Variants in PCDHGA4 observed in about 807,000 individuals in gnomAD.
The protein encoded by PCDHGA4 is protocadherin gamma subfamily A, 4, also known as protocadherin gamma-A4.
Under a neutral mutation model 54.6 loss-of-function variants are expected in PCDHGA4, and 38 were observed. That is an observed-to-expected ratio of 0.70 (90% CI 0.54 to 0.91). PCDHGA4 has a LOEUF of 0.91. PCDHGA4 is among the 40% of genes least tolerant of loss of function. The pLI, the probability that PCDHGA4 is intolerant of heterozygous loss-of-function variation, is 0.00. For missense variants in PCDHGA4, 1,298 were observed against 1,220.9 expected (o/e 1.06, Z -0.94); for synonymous variants, 511 against 512.9 (o/e 1.00, Z 0.05).
intron 1 of PCDHGA4, chr5:141,419,779 G>A (rs1439735185): frequency 1.2e-6 from 2 of 1,614,064 alleles, no homozygotes; most frequent in Non-Finnish European, 8.5e-7. Flanking sequence ...CGGTCCGCCA[G>A]CGCCTGCTAG....
intron 1 of PCDHGA4, chr5:141,361,613 C>T: frequency 6.2e-7 from 1 of 1,613,960 alleles, no homozygotes; most frequent in Non-Finnish European, 8.5e-7. Context: ...TCCATCGTAG[C>T]GAGCGACCTG....
chr5:141,382,326 T>G (rs1007367155), intron 1 of PCDHGA4, among the ~76,000 whole-genome samples: 1 of 152,352 alleles, frequency 6.6e-6, no homozygotes, highest in Admixed American at 6.5e-5. Context: ...TGTAAATATT[T>G]TCTAAGTAAA....
chr5:141,365,821 G>A (rs756787528), intron 1 of PCDHGA4: 1 of 1,613,908 alleles, frequency 6.2e-7, no homozygotes, highest in Non-Finnish European at 8.5e-7. Context: ...ACACATTTCA[G>A]GGGGCGCCCT....
intron 1 of PCDHGA4, among the ~76,000 whole-genome samples, chr5:141,433,818 CA>C (rs2097653666): frequency 7.5e-6 from 1 of 133,558 alleles, no homozygotes; most frequent in African/African-American, 2.9e-5. Flanking sequence ...GCCTGGGCAA[CA>C]AGAGTGAAAC....
At chr5:141,466,034 A>T (rs189202430) in intron 1 of PCDHGA4, among the ~76,000 whole-genome samples, 1,557 of 152,178 alleles carry the variant, frequency 0.01, 35 homozygotes, top group African/African-American at 0.035. Flanking sequence ...AGGCAGGAGA[A>T]CGGCATGAAC....
intron 1 of PCDHGA4, among the ~76,000 whole-genome samples, chr5:141,470,152 T>C (rs546219809): frequency 2.6e-5 from 4 of 152,308 alleles, no homozygotes; most frequent in African/African-American, 9.6e-5. Context: ...ATAGATCATC[T>C]TATCAAATCA....
At chr5:141,405,240 C>G (rs2094630274) in intron 1 of PCDHGA4, 4 of 1,614,136 alleles carry the variant, frequency 2.5e-6, no homozygotes, top group African/African-American at 2.7e-5. Context: ...ACCGCTGACT[C>G]AAGGAAGAGT....
intron 3 of PCDHGA4, among the ~76,000 whole-genome samples, chr5:141,509,504 C>T (rs534951697): frequency 4.7e-4 from 72 of 152,246 alleles, no homozygotes; most frequent in Non-Finnish European, 8.4e-4. Flanking sequence ...CTGGATGTGA[C>T]GGTGTTGATG....
In PCDHGA4 at chr5:141,413,208, A is replaced by G. The variant is rs532127106; in HGVS notation, c.2514+55587A>G. The G allele has an allele frequency of 3.5e-5, 57 of 1,612,984 alleles. No individual in the cohort carries two copies. The African/African-American group carries it at 5.2e-4, about 15-fold the overall frequency. On this transcript the variant is annotated intron_variant, in intron 1 of 3. Coordinates refer to ENST00000571252, the MANE Select transcript of PCDHGA4 (RefSeq NM_018917.4). ...CTCAAAGGAATCGCTCAAAGGAATC[A>G]AAGGATTGCAGCGGGCTGGTCCTGC... is the stretch of plus-strand genomic sequence containing the variant.
chr5:141,478,017 T>C lies in PCDHGA4; in HGVS notation c.2515-16790T>C, dbSNP rs776415195. ...GGTCAAATCAGTACTGCCCGTCCAG[T>C]CCAAGACACAGATTCACCCAGGCAG... On this transcript the variant is annotated intron_variant, in intron 1 of 3. Transcript: ENST00000571252. 15 of 1,613,910 alleles carry C rather than the reference T, an allele frequency of 9.3e-6. No homozygotes were observed. In the African/African-American group the frequency reaches 1.9e-4, roughly 20 times the overall value.
In PCDHGA4 at chr5:141,491,638, G is replaced by A. The variant is rs2099723160; in HGVS notation, c.2515-3169G>A. The A allele has an allele frequency of 6.2e-7, 1 of 1,613,898 alleles. No individual in the cohort carries two copies. The highest frequency in any genetic ancestry group is 1.3e-5 in the African/African-American group (1 of 75,074). ...ACCCCTCAGCGTTCAGCAGCCCACA[G>A]CTCTGGCGCTGGAGCCTGACGCCAT... On this transcript the variant is annotated intron_variant, in intron 1 of 3. Coordinates refer to ENST00000571252, the MANE Select transcript of PCDHGA4 (RefSeq NM_018917.4). The surrounding 1 kb of genome is among the most constrained non-coding windows in gnomAD (Gnocchi z 6.9).
At chr5:141,464,976 A>G (rs2154568682) in intron 1 of PCDHGA4, among the ~76,000 whole-genome samples, 1 of 152,214 alleles carries the variant, frequency 6.6e-6, no homozygotes, top group East Asian at 1.9e-4. Flanking sequence ...TACTGGCTTC[A>G]AGTGATCCTC....
chr5:141,447,433 C>G (rs756021616), intron 1 of PCDHGA4, among the ~76,000 whole-genome samples: 1 of 152,118 alleles, frequency 6.6e-6, no homozygotes. Context: ...CCACCGCACC[C>G]GGAGGAAATT....
chr5:141,360,892 G>C, intron 1 of PCDHGA4: 1 of 1,614,028 alleles, frequency 6.2e-7, no homozygotes, highest in Non-Finnish European at 8.5e-7. Context: ...CACCCTGAGG[G>C]AGGACGTGCC....
rs368850413 is a variant in PCDHGA4, at chr5:141,400,711, C to T, written c.2514+43090C>T. 8.7e-6 allele frequency: 6 copies of T among 691,160 alleles called. No individual in the cohort carries two copies. The African/African-American group carries it at 9.0e-5, about 10-fold the overall frequency. The allele number at this position is 691,160 out of a possible 1,614,324, so 42.8% of individuals were successfully genotyped here. On this transcript the variant is annotated intron_variant, in intron 1 of 3. Coordinates refer to ENST00000571252, the MANE Select transcript of PCDHGA4 (RefSeq NM_018917.4). Reference sequence around the variant, plus strand: ...TTTTATGTCGCATAAAAGAAGTAGCCTTATAGATTTACAAAGTAGTGAGAG... The same window carrying T: ...TTTTATGTCGCATAAAAGAAGTAGCTTTATAGATTTACAAAGTAGTGAGAG...
intron 1 of PCDHGA4, among the ~76,000 whole-genome samples, chr5:141,444,192 A>ATT: frequency 1.9e-5 from 1 of 52,730 alleles, no homozygotes; most frequent in African/African-American, 7.7e-5. Flanking sequence ...TTTTTTTGAG[A>ATT]TGGAGTTTCA....
rs1759880849 is a variant in PCDHGA4, at chr5:141,355,504, T to C, written c.397T>C (p.Cys133Arg). The C allele has an allele frequency of 5.0e-6, 8 of 1,614,034 alleles. No homozygotes were observed. Among genetic ancestry groups the C allele is most frequent in the Non-Finnish European group, 6.8e-6 (8 of 1,179,904 alleles). ...GGAGCTCTGCGACAGATCTCCAAACTGTGTGACAAACCTGGAGATTCTTCT... is the reference window on the plus strand; with the variant it reads ...GGAGCTCTGCGACAGATCTCCAAACCGTGTGACAAACCTGGAGATTCTTCT... ...REELCDRSPN[C>R]VTNLEILLED... The change falls in exon 1 of 4, where the codon TGT becomes CGT. Residue 133 changes from cysteine to arginine, a missense_variant. Cys to Arg is a radical substitution (Grantham distance 180). Transcript: ENST00000571252.
chr5:141,403,527 C>G lies in PCDHGA4; in HGVS notation c.2514+45906C>G. The G allele has an allele frequency of 3.1e-6, 5 of 1,614,022 alleles. No homozygotes were observed. The South Asian group carries it at 5.5e-5, about 18-fold the overall frequency. The stretch of plus-strand genomic sequence containing the variant: ...ACTGGAGACAATGGAGCCATAAACC[C>G]AGAGCTGGTGCTGGAGCGCGCCCTG... On this transcript the variant is annotated intron_variant, in intron 1 of 3. Coordinates refer to ENST00000571252, the MANE Select transcript of PCDHGA4 (RefSeq NM_018917.4).
At chr5:141,483,656 G>A (rs1345435222) in intron 1 of PCDHGA4, among the ~76,000 whole-genome samples, 1 of 151,984 alleles carries the variant, frequency 6.6e-6, no homozygotes, top group Non-Finnish European at 1.5e-5. Flanking sequence ...GTTTGTGTGT[G>A]TGTGTGTGTG....
Sources: allele counts gnomAD v4.1 joint callset (sites outside exome capture counted in the v4.1 genomes callset), GRCh38; gene constraint gnomAD v4.1.1; non-coding constraint Gnocchi (gnomAD v3.1); transcripts MANE v1.5; gene names NCBI Gene and HGNC (gene_info 2026-07-23, HGNC 2026-07-21).